Variants in REDIC1 observed in about 807,000 individuals in gnomAD.
REDIC1 encodes the protein regulator of DNA class I crossover intermediates 1.
the REDIC1 span, chr12:39,720,989 T>G: frequency 6.2e-7 from 1 of 1,613,756 alleles, no homozygotes; most frequent in Non-Finnish European, 8.5e-7. Context: ...ACAGATCAGT[T>G]TCCACAGTTG....
the REDIC1 span, among the ~76,000 whole-genome samples, chr12:39,901,093 A>T: frequency 6.6e-6 from 1 of 152,208 alleles, no homozygotes; most frequent in African/African-American, 2.4e-5. Context: ...TGGGGAAAGG[A>T]TTCCCTATTT....
At chr12:39,724,603 A>G in the REDIC1 span, among the ~76,000 whole-genome samples, 2 of 152,116 alleles carry the variant, frequency 1.3e-5, no homozygotes, top group Non-Finnish European at 2.9e-5. Context: ...TAAGACAGGC[A>G]GAGATTATGA....
chr12:39,758,298 G>C, the REDIC1 span: 3 of 151,824 alleles, frequency 2.0e-5, no homozygotes, highest in African/African-American at 7.2e-5. Flanking sequence ...GTGACTTAGA[G>C]AATGAACTTC....
the REDIC1 span, among the ~76,000 whole-genome samples, chr12:39,665,332 C>T: frequency 4.6e-5 from 7 of 152,152 alleles, no homozygotes; most frequent in Non-Finnish European, 7.3e-5. Flanking sequence ...AATAGGGAAT[C>T]GTTTCCCCAT....
the REDIC1 span, among the ~76,000 whole-genome samples, chr12:39,821,633 A>G: frequency 6.6e-6 from 1 of 152,206 alleles, no homozygotes; most frequent in East Asian, 1.9e-4. Flanking sequence ...CTAATGGAAC[A>G]CCTTCTATTT....
At chr12:39,822,376 C>T in the REDIC1 span, among the ~76,000 whole-genome samples, 2,314 of 152,214 alleles carry the variant, frequency 0.015, 27 homozygotes, top group Middle Eastern at 0.024. Flanking sequence ...ATGATTCCCA[C>T]GCCTATGAAA....
chr12:39,893,387 C>T, the REDIC1 span, among the ~76,000 whole-genome samples: 2 of 152,230 alleles, frequency 1.3e-5, no homozygotes, highest in Non-Finnish European at 2.9e-5. Context: ...GCAACCTCCG[C>T]CTCCCAGGTT....
the REDIC1 span, among the ~76,000 whole-genome samples, chr12:39,667,948 G>A: frequency 2.6e-5 from 4 of 151,872 alleles, no homozygotes; most frequent in African/African-American, 4.8e-5. Context: ...TTTATTTTGG[G>A]CCTATGTGTG....
chr12:39,778,716 CAT>C, the REDIC1 span, among the ~76,000 whole-genome samples: 1 of 152,240 alleles, frequency 6.6e-6, no homozygotes, highest in Non-Finnish European at 1.5e-5. Context: ...TTATTTGACA[CAT>C]GAGTATACAT....
the REDIC1 span, among the ~76,000 whole-genome samples, chr12:39,898,947 T>A: frequency 2.0e-5 from 3 of 152,172 alleles, no homozygotes; most frequent in Non-Finnish European, 2.9e-5. Flanking sequence ...ATTCTCTTTT[T>A]TCGTTGTGTC....
At chr12:39,807,533 C>CT in the REDIC1 span, among the ~76,000 whole-genome samples, 1 of 152,114 alleles carries the variant, frequency 6.6e-6, no homozygotes, top group East Asian at 1.9e-4. Flanking sequence ...AATTGAAAAA[C>CT]AAGTAAAGGG....
chr12:39,784,457 G>A, the REDIC1 span, among the ~76,000 whole-genome samples: 32 of 152,258 alleles, frequency 2.1e-4, no homozygotes, highest in Admixed American at 7.2e-4. Flanking sequence ...CAAACCTGAC[G>A]AAAGCAAGAA....
chr12:39,753,092 G>C, the REDIC1 span, among the ~76,000 whole-genome samples: 1 of 152,162 alleles, frequency 6.6e-6, no homozygotes. Context: ...TGTGAGTTTA[G>C]TATCTATTTG....
the REDIC1 span, among the ~76,000 whole-genome samples, chr12:39,853,875 A>G: frequency 6.6e-6 from 1 of 152,110 alleles, no homozygotes; most frequent in Admixed American, 6.6e-5. Flanking sequence ...GTTCAATTAA[A>G]TGGCATGTGT....
chr12:39,767,462 C>T, the REDIC1 span, among the ~76,000 whole-genome samples: 7 of 152,042 alleles, frequency 4.6e-5, no homozygotes, highest in East Asian at 1.9e-4. Context: ...ATTTTTGGAG[C>T]GGCAAATGAG....
the REDIC1 span, among the ~76,000 whole-genome samples, chr12:39,894,797 A>C: frequency 1.3e-5 from 2 of 152,296 alleles, no homozygotes; most frequent in East Asian, 3.9e-4. Flanking sequence ...ATTAGGGAAT[A>C]AAGCAGGGAG....
the REDIC1 span, among the ~76,000 whole-genome samples, chr12:39,713,659 G>C: frequency 6.8e-6 from 1 of 146,564 alleles, no homozygotes; most frequent in East Asian, 2.0e-4. Flanking sequence ...CTGTATACAT[G>C]CGTATATACA....
chr12:39,744,514 T>C, the REDIC1 span, among the ~76,000 whole-genome samples: 648 of 152,266 alleles, frequency 4.3e-3, 4 homozygotes, highest in African/African-American at 0.015. Context: ...ATAAGTGCAA[T>C]GAATGACAGC....
the REDIC1 span, chr12:39,764,434 CTA>C: frequency 5.9e-6 from 9 of 1,521,654 alleles, no homozygotes; most frequent in Admixed American, 4.7e-5. Flanking sequence ...AAAAACAAAA[CTA>C]TGTTAGAAAA....
Sources: gnomAD v4.1 joint callset for allele counts (sites outside exome capture counted in the v4.1 genomes callset) on GRCh38, gnomAD v4.1.1 for gene constraint, MANE v1.5 for transcripts, NCBI Gene and HGNC (gene_info 2026-07-23, HGNC 2026-07-21) for gene names.